R3HCC1L: variants seen among roughly 807,000 people sequenced by gnomAD.
R3HCC1L encodes the protein R3H domain and coiled-coil containing 1 like.
A neutral mutation model predicts 59.9 loss-of-function variants in R3HCC1L; 51 were observed. That is an observed-to-expected ratio of 0.85 (90% CI 0.68 to 1.07). The LOEUF (loss-of-function observed/expected upper bound fraction) is 1.07. Ranked by LOEUF, R3HCC1L falls within the 50% of genes least tolerant of loss-of-function variation. R3HCC1L has a pLI of 0.00. For missense variants in R3HCC1L, 965 were observed against 933.0 expected, an observed-to-expected ratio of 1.03 and a Z score of -0.45; for synonymous variants, 322 against 315.2, an observed-to-expected ratio of 1.02 and a Z score of -0.23.
intron 1 of R3HCC1L, among the ~76,000 whole-genome samples, chr10:98,141,782 G>T (rs1322038260): frequency 6.6e-6 from 1 of 152,178 alleles, no homozygotes; most frequent in African/African-American, 2.4e-5. Flanking sequence ...TGAACATCTA[G>T]AGAGAACCAG....
chr10:98,184,943 CCTGT>C (rs1257413131), intron 4 of R3HCC1L, among the ~76,000 whole-genome samples: 1 of 152,130 alleles, frequency 6.6e-6, no homozygotes, highest in African/African-American at 2.4e-5. Context: ...CCTTTAAAAT[CCTGT>C]CTTTCCTTAG....
intron 4 of R3HCC1L, among the ~76,000 whole-genome samples, chr10:98,194,948 C>A (rs1351713951): frequency 6.6e-6 from 1 of 152,032 alleles, no homozygotes; most frequent in Admixed American, 6.6e-5. Context: ...TCATATAAGC[C>A]AGCAGTCCCA....
chr10:98,208,192 G>C lies in R3HCC1L; in HGVS notation c.78G>C (p.Arg26Ser), dbSNP rs1338184914. 6.2e-7 allele frequency: 1 copy of C among 1,613,978 alleles called. No individual in the cohort carries two copies. Among genetic ancestry groups the C allele is most frequent in the Admixed American group, 1.7e-5 (1 of 59,986 alleles). ...CACTTTATGTACCTAAAGCTCGTAG[G>C]GGTGCAGTACTCCTTAAGACAGGTG... Reference protein sequence around the residue: ...DMALYVPKARRGAVLLKTGDE... With the variant: ...DMALYVPKARSGAVLLKTGDE... The change falls in exon 5 of 10, where the codon AGG becomes AGC. Residue 26 changes from arginine (R) to serine (S), a missense_variant. By Grantham distance (110) the Arg-to-Ser change is moderately radical. Coordinates refer to ENST00000298999, the MANE Select transcript of R3HCC1L (RefSeq NM_001351015.2).
chr10:98,229,461 CA>C (rs1159740915), intron 5 of R3HCC1L, among the ~76,000 whole-genome samples: 2 of 152,170 alleles, frequency 1.3e-5, no homozygotes, highest in Admixed American at 1.3e-4. Context: ...AGTTGCCTGT[CA>C]ACTTAAGGAG....
intron 5 of R3HCC1L, among the ~76,000 whole-genome samples, chr10:98,225,951 C>T (rs1025226278): frequency 2.6e-5 from 4 of 152,096 alleles, no homozygotes; most frequent in Non-Finnish European, 5.9e-5. Context: ...AGCTATCCTC[C>T]GGCCTCAGCA....
At position 98,191,485 on chromosome 10, in the gene R3HCC1L, G is replaced by A. The variant is rs553960915; in HGVS notation, c.-14-16616G>A. On this transcript the variant is annotated intron_variant, in intron 4 of 9. Coordinates refer to ENST00000298999, the MANE Select transcript of R3HCC1L (RefSeq NM_001351015.2). ...AAGTGTCTGTTCATATCCTTTGCCC[G>A]CTTTTGATGGGGCTGTTTGTTTTTT... Among the ~76,000 whole-genome samples the A allele has an allele frequency of 4.6e-5, 7 of 152,094 alleles. No individual in the cohort carries two copies. In the Middle Eastern group the frequency reaches 0.01, roughly 223 times the overall value.
intron 4 of R3HCC1L, among the ~76,000 whole-genome samples, chr10:98,205,976 T>G (rs1269774230): frequency 6.6e-6 from 1 of 152,178 alleles, no homozygotes; most frequent in East Asian, 1.9e-4. Flanking sequence ...TGAGCTAAAT[T>G]TTGTTTTCCT....
chr10:98,222,850 A>G (rs2135492184), intron 5 of R3HCC1L, among the ~76,000 whole-genome samples: 1 of 152,258 alleles, frequency 6.6e-6, no homozygotes, highest in South Asian at 2.1e-4. Flanking sequence ...AAAATGATAA[A>G]GGGGATATCA....
chr10:98,169,268 T>C (rs1363793855), intron 4 of R3HCC1L, among the ~76,000 whole-genome samples: 1 of 152,206 alleles, frequency 6.6e-6, no homozygotes, highest in African/African-American at 2.4e-5. Context: ...ACCATTCTGC[T>C]GAATATCAGG....
chr10:98,212,117 A>G (rs1037626510), intron 5 of R3HCC1L, among the ~76,000 whole-genome samples: 2 of 152,170 alleles, frequency 1.3e-5, no homozygotes, highest in African/African-American at 4.8e-5. Context: ...TGGATTGAGA[A>G]TGCAAGTAGC....
intron 5 of R3HCC1L, among the ~76,000 whole-genome samples, chr10:98,226,213 A>C (rs930566115): frequency 7.9e-5 from 12 of 152,322 alleles, no homozygotes; most frequent in Non-Finnish European, 1.5e-4. Context: ...TGTATTATTT[A>C]GCCCCAATTT....
chr10:98,231,807 G>T (rs563732316), intron 6 of R3HCC1L, 120 bp downstream of exon 6: 2 of 1,093,330 alleles, frequency 1.8e-6, no homozygotes, highest in African/African-American at 1.6e-5. Context: ...CATCAGGCTG[G>T]TTTATTGTCT....
At chr10:98,234,804 A>T (rs1040892028) in intron 7 of R3HCC1L, among the ~76,000 whole-genome samples, 1 of 152,190 alleles carries the variant, frequency 6.6e-6, no homozygotes, top group Admixed American at 6.5e-5. Context: ...GAAGAATCCA[A>T]TGGGGCTCTT....
Position 98,244,653 on chromosome 10 carries a change from A to G in R3HCC1L, c.*495A>G, listed in dbSNP as rs1857930993. Reference sequence around the variant, plus strand: ...GAACAGTGTCTGGTTTACTTGGCATACACAGAATCTGCACTGCCGGTTCCA... The same window carrying G: ...GAACAGTGTCTGGTTTACTTGGCATGCACAGAATCTGCACTGCCGGTTCCA... On this transcript the variant is annotated 3_prime_UTR_variant, in exon 10 of 10. Coordinates refer to ENST00000298999, the MANE Select transcript of R3HCC1L (RefSeq NM_001351015.2). The G allele has an allele frequency of 6.5e-6, 1 of 153,866 alleles. No individual in the cohort carries two copies. The highest frequency in any genetic ancestry group is 2.4e-5 in the African/African-American group (1 of 41,490). The allele number at this position is 153,866 out of a possible 1,614,324, so 9.5% of individuals were successfully genotyped here. A position where few individuals can be genotyped will look rare whatever the true frequency, so the allele number is the denominator to read the frequency against.
chr10:98,165,659 T>C (rs1554835495), intron 4 of R3HCC1L, among the ~76,000 whole-genome samples: 1 of 152,248 alleles, frequency 6.6e-6, no homozygotes, highest in African/African-American at 2.4e-5. Flanking sequence ...GGTTCAGTTC[T>C]TTCTTTCAGT....
chr10:98,192,190 T>C (rs1321607195), intron 4 of R3HCC1L, among the ~76,000 whole-genome samples: 2 of 152,074 alleles, frequency 1.3e-5, no homozygotes, highest in East Asian at 3.9e-4. Context: ...TGAAATGCTT[T>C]TCTTACTGTG....
chr10:98,202,121 T>C (rs1852118094), intron 4 of R3HCC1L, among the ~76,000 whole-genome samples: 1 of 152,286 alleles, frequency 6.6e-6, no homozygotes, highest in East Asian at 1.9e-4. Context: ...CTAAGATAAA[T>C]GATTTACTTT....
chr10:98,196,464 A>G (rs1851444440), intron 4 of R3HCC1L, among the ~76,000 whole-genome samples: 1 of 152,076 alleles, frequency 6.6e-6, no homozygotes, highest in Non-Finnish European at 1.5e-5. Flanking sequence ...TTTATTTGAG[A>G]TAGGGTTGAA....
chr10:98,151,208 C>T (rs747108225), intron 1 of R3HCC1L, among the ~76,000 whole-genome samples: 2 of 152,128 alleles, frequency 1.3e-5, no homozygotes, highest in Non-Finnish European at 2.9e-5. Flanking sequence ...TCTACGCTGC[C>T]ATTTTGGAAC....
Sources: gnomAD v4.1 joint callset for allele counts (sites outside exome capture counted in the v4.1 genomes callset) on GRCh38, gnomAD v4.1.1 for gene constraint, MANE v1.5 for transcripts, NCBI Gene and HGNC (gene_info 2026-07-23, HGNC 2026-07-21) for gene names.